Variants in PI4KA observed in about 807,000 individuals in gnomAD.
PI4KA encodes the protein PI4-kinase alpha.
In PI4KA, 122 loss-of-function variants were observed where a neutral mutation model predicts 271.4. That is an observed-to-expected ratio of 0.45 (90% CI 0.39 to 0.52). The LOEUF (loss-of-function observed/expected upper bound fraction) is 0.52, where lower values mean the gene tolerates loss of function less well. Ranked by LOEUF, PI4KA falls within the 20% of genes least tolerant of loss-of-function variation. The pLI, the probability that PI4KA is intolerant of heterozygous loss-of-function variation, is 0.00. For missense variants in PI4KA, 1,969 were observed against 2,769.1 expected (o/e 0.71, Z 6.48); for synonymous variants, 1,041 against 1,078.8 (o/e 0.96, Z 0.69).
chr22:20,729,296 G>C lies in PI4KA; in HGVS notation c.4682+17C>G, dbSNP rs762242636. The stretch of plus-strand genomic sequence containing the variant: ...TCTGGTGAGGCCTGTGTCAGGCTGT[G>C]GTGCCCGGGGGCCCACCTGGCAGGC... On this transcript the variant is annotated intron_variant, in intron 39 of 54. Coordinates refer to ENST00000255882, the MANE Select transcript of PI4KA (RefSeq NM_058004.4). 1.9e-6 allele frequency: 3 copies of C among 1,606,656 alleles called. No individual in the cohort carries two copies. Among genetic ancestry groups the C allele is most frequent in the Non-Finnish European group, 2.6e-6 (3 of 1,176,254 alleles).
At chr22:20,747,725 G>A in intron 28 of PI4KA, 23 bp from the exon 29 acceptor site, 1 of 1,607,676 alleles carries the variant, frequency 6.2e-7, no homozygotes, top group Non-Finnish European at 8.5e-7. Flanking sequence ...AAACACATGG[G>A]GTTTCAGTTA....
intron 29 of PI4KA, among the ~76,000 whole-genome samples, chr22:20,746,609 G>A (rs140532681): frequency 1.3e-4 from 20 of 152,290 alleles, no homozygotes; most frequent in African/African-American, 2.4e-4. Flanking sequence ...TATGAGTTCC[G>A]CCTCTGGCCT....
intron 29 of PI4KA, chr22:20,747,347 C>T (rs1480961208): frequency 4.8e-6 from 2 of 418,742 alleles, no homozygotes; most frequent in Non-Finnish European, 8.6e-6. Flanking sequence ...CACTGATCCC[C>T]ATAAATCCAT....
intron 19 of PI4KA, among the ~76,000 whole-genome samples, chr22:20,776,922 A>G (rs1246779933): frequency 1.3e-5 from 2 of 152,214 alleles, no homozygotes; most frequent in Non-Finnish European, 2.9e-5. Context: ...TTGCTTAACA[A>G]GAGCAGCCAG....
chr22:20,724,424 T>A (rs1295090588), intron 42 of PI4KA, among the ~76,000 whole-genome samples: 1 of 151,282 alleles, frequency 6.6e-6, no homozygotes, highest in Non-Finnish European at 1.5e-5. Flanking sequence ...CTGGCCAACA[T>A]GGTGAAACCC....
intron 28 of PI4KA, among the ~76,000 whole-genome samples, chr22:20,748,761 C>CT (rs1930375881): frequency 6.6e-6 from 1 of 152,208 alleles, no homozygotes; most frequent in African/African-American, 2.4e-5. Context: ...TGAAGAGTGA[C>CT]TAATAATCAA....
chr22:20,858,706 C>G lies in PI4KA; in HGVS notation c.20G>C (p.Arg7Pro). Residue 7 changes from arginine to proline, a missense_variant, in exon 1 of 55, where the codon CGG (arginine) becomes CCG (proline). Arg to Pro is a moderately radical substitution (Grantham distance 103, BLOSUM62 -2). This residue lies in a region of PI4KA where 540 missense variants were observed against 555.5 expected (regional missense o/e 0.97). Transcript: ENST00000255882. ...GCCTCCGCCTCCGCCTCCGCCTCCC[C>G]GGGCCGGGGCCGCCGCCATCACCTC... MAAAPARGGGGGGGGGG... is the reference protein window; with the variant it reads MAAAPAPGGGGGGGGGG... 6.9e-7 allele frequency: 1 copy of G among 1,453,740 alleles called. No individual in the cohort carries two copies. The highest frequency in any genetic ancestry group is 9.0e-7 in the Non-Finnish European group (1 of 1,108,046). 90.1% of individuals were successfully genotyped at this position (1,453,740 alleles called of 1,614,324 possible). A position where few individuals can be genotyped will look rare whatever the true frequency, so the allele number is the denominator to read the frequency against.
intron 28 of PI4KA, among the ~76,000 whole-genome samples, chr22:20,748,189 T>C (rs893526921): frequency 1.3e-5 from 2 of 152,390 alleles, no homozygotes; most frequent in Admixed American, 6.5e-5. Context: ...CTACTGCTCA[T>C]TTGACTGAGG....
At chr22:20,801,492 G>C (rs1933929866) in intron 14 of PI4KA, among the ~76,000 whole-genome samples, 1 of 151,974 alleles carries the variant, frequency 6.6e-6, no homozygotes, top group Non-Finnish European at 1.5e-5. Flanking sequence ...GGCTGAGGCA[G>C]GAGAATTGCA....
rs1935824688 is a variant in PI4KA at position 20,796,076 on chromosome 22, C to T, written c.2277+70G>A. The T allele has an allele frequency of 2.1e-6, 3 of 1,423,734 alleles. No individual in the cohort carries two copies. In the Admixed American group the frequency reaches 5.6e-5, roughly 26 times the overall value. The allele number at this position is 1,423,734 out of a possible 1,614,324, so 88.2% of individuals were successfully genotyped here. A position where few individuals can be genotyped will look rare whatever the true frequency, so the allele number is the denominator to read the frequency against. ...GTGCCATATTCCAACCAAGATGGTG[C>T]CTGAAGACTAAGCCTTGGCCAGCAG... On this transcript the variant is annotated intron_variant, in intron 18 of 54. Coordinates refer to ENST00000255882, the MANE Select transcript of PI4KA (RefSeq NM_058004.4).
rs1927713538 is a variant in PI4KA at position 20,729,203 on chromosome 22, C to A, written c.4682+110G>T. 7.9e-6 allele frequency: 7 copies of A among 889,974 alleles called. No homozygotes were observed. The Admixed American group carries it at 1.6e-4, about 20-fold the overall frequency. The allele number at this position is 889,974 out of a possible 1,614,324, so 55.1% of individuals were successfully genotyped here. On this transcript the variant is annotated intron_variant, in intron 39 of 54. Transcript: ENST00000255882. ...GAGGACTAGACTACTTCCTGACTAT[C>A]CTTGAAAGGGGCTGCAGGGCACTCC...
chr22:20,765,738 G>GGTTTCCTC, intron 19 of PI4KA, 45 bp from the exon 20 acceptor site: 2 of 1,271,492 alleles, frequency 1.6e-6, no homozygotes, highest in African/African-American at 1.5e-5. Context: ...ATTTGCTGAG[G>GGTTTCCTC]AAACCCTAAG....
Position 20,799,682 on chromosome 22 carries a change from C to T in PI4KA, c.1809G>A (p.Gln603=), listed in dbSNP as rs1935188088. The change falls in exon 15 of 55, where the codon CAG becomes CAA. Residue 603 remains glutamine (Q), a synonymous_variant. Coordinates refer to ENST00000255882, the MANE Select transcript of PI4KA (RefSeq NM_058004.4). ...ASLSNRLYIS[Q]ESDKDAHLIP... is the part of the protein sequence containing the mutation. ...GAATAGGGGCGTACTTGTCGCTCTCCTGAGAGATGTAGAGCCGGTTGGACA... is the reference window on the plus strand; with the variant it reads ...GAATAGGGGCGTACTTGTCGCTCTCTTGAGAGATGTAGAGCCGGTTGGACA... The T allele has an allele frequency of 5.8e-6, 9 of 1,551,802 alleles. No homozygotes were observed. The highest frequency in any genetic ancestry group is 7.8e-6 in the Non-Finnish European group (9 of 1,146,810).
chr22:20,712,062 G>GTT lies in PI4KA; in HGVS notation c.5802+422_5802+423dup, dbSNP rs1312900074. On this transcript the variant is annotated intron_variant, in intron 50 of 54. Coordinates refer to ENST00000255882, the MANE Select transcript of PI4KA (RefSeq NM_058004.4). ...CGGCCAGGTGCCCTGGTTTTTTTGT[G>GTT]TTTTTTTTTTTTTGAGATGGAGTCT... Among the ~76,000 whole-genome samples the GTT allele has an allele frequency of 1.3e-4, 16 of 125,138 alleles. No individual in the cohort carries two copies. The South Asian group carries it at 3.1e-3, about 24-fold the overall frequency. The allele number at this position is 125,138 out of a possible 152,430, so 82.1% of individuals were successfully genotyped here.
At chr22:20,786,779 T>C (rs2147520910) in intron 19 of PI4KA, 2 of 1,255,504 alleles carry the variant, frequency 1.6e-6, no homozygotes, top group Admixed American at 3.4e-5. Flanking sequence ...ACATGTTGTC[T>C]TTGGATCCTT....
intron 36 of PI4KA, 130 bp from the exon 37 acceptor site, chr22:20,730,141 G>T: frequency 1.0e-6 from 1 of 967,136 alleles, no homozygotes; most frequent in South Asian, 1.7e-5. Flanking sequence ...TCCTGGAATC[G>T]ACTGCAGGAA....
At position 20,744,557 on chromosome 22, in the gene PI4KA, G is replaced by A. The variant is rs1016270820; in HGVS notation, c.3456+71C>T. 1.6e-4 allele frequency: 168 copies of A among 1,051,190 alleles called. 2 individuals are homozygous for A. The South Asian group carries it at 2.1e-3, about 13-fold the overall frequency. The allele number at this position is 1,051,190 out of a possible 1,614,324, so 65.1% of individuals were successfully genotyped here. On this transcript the variant is annotated intron_variant, in intron 30 of 54. Transcript: ENST00000255882. Reference sequence around the variant, plus strand: ...GGGACGCTTTGTTCATTTTCCACTAGGAAGCGGCCAACAGGCCTCAAAACA... The same window carrying A: ...GGGACGCTTTGTTCATTTTCCACTAAGAAGCGGCCAACAGGCCTCAAAACA...
intron 19 of PI4KA, among the ~76,000 whole-genome samples, chr22:20,777,985 C>T (rs1933435376): frequency 6.6e-6 from 1 of 152,142 alleles, no homozygotes; most frequent in African/African-American, 2.4e-5. Flanking sequence ...GCTGACATCA[C>T]CCTCACACAG....
chr22:20,811,330 G>A (rs900736575), intron 8 of PI4KA, among the ~76,000 whole-genome samples: 1 of 152,106 alleles, frequency 6.6e-6, no homozygotes, highest in Non-Finnish European at 1.5e-5. Context: ...GCAGACCTCA[G>A]GCCTTGCTGC....
Sources: allele counts gnomAD v4.1 joint callset (sites outside exome capture counted in the v4.1 genomes callset), GRCh38; gene constraint gnomAD v4.1.1; regional missense constraint gnomAD v4.1.1; transcripts MANE v1.5; gene names NCBI Gene and HGNC (gene_info 2026-07-23, HGNC 2026-07-21).